The following ME3 variants were observed in gnomAD, a reference collection of about 807,000 sequenced individuals.
ME3 encodes the protein malic enzyme 3.
Under a neutral mutation model 68.9 loss-of-function variants are expected in ME3, and 48 were observed. The ratio of observed to expected loss-of-function variants is 0.70; its 90% confidence interval spans 0.55 to 0.89. The LOEUF (loss-of-function observed/expected upper bound fraction) is 0.89. ME3 is among the 40% of genes least tolerant of loss of function. The probability of loss-of-function intolerance (pLI) is 0.00; values close to 1 mark genes in which losing one functional copy is unlikely to be tolerated. For synonymous variants in ME3, 320 were observed against 318.8 expected (o/e 1.00, Z -0.04); for missense variants, 675 against 797.4 (o/e 0.85, Z 1.85).
chr11:86,441,545 A>T, intron 14 of ME3, 105 bp from the exon 15 acceptor site: 1 of 1,145,276 alleles, frequency 8.7e-7, no homozygotes, highest in Non-Finnish European at 1.2e-6. Context: ...AAGGAACCAG[A>T]CTTGTTTCTT....
At chr11:86,506,355 T>TA (rs1953072163) in intron 5 of ME3, among the ~76,000 whole-genome samples, 1 of 152,236 alleles carries the variant, frequency 6.6e-6, no homozygotes, top group South Asian at 2.1e-4. Context: ...ATTTAGCTCC[T>TA]AAGGTTCTAT....
intron 2 of ME3, among the ~76,000 whole-genome samples, chr11:86,656,707 C>G (rs1945902541): frequency 6.6e-6 from 1 of 152,030 alleles, no homozygotes; most frequent in East Asian, 1.9e-4. Flanking sequence ...ATGTAACAAA[C>G]CTGCACGTTG....
At chr11:86,458,319 C>A (rs1051016854) in intron 8 of ME3, among the ~76,000 whole-genome samples, 1 of 152,272 alleles carries the variant, frequency 6.6e-6, no homozygotes, top group South Asian at 2.1e-4. Context: ...TATTGGACAC[C>A]AAGCAAAGGC....
chr11:86,600,088 A>T (rs954409549), intron 2 of ME3, among the ~76,000 whole-genome samples: 1 of 152,230 alleles, frequency 6.6e-6, no homozygotes, highest in Non-Finnish European at 1.5e-5. Flanking sequence ...ACAGGATCAA[A>T]TTCACACATA....
At chr11:86,497,833 C>G in intron 6 of ME3, 130 bp downstream of exon 6, 18 of 1,093,748 alleles carry the variant, frequency 1.6e-5, no homozygotes, top group Non-Finnish European at 2.3e-5. Context: ...GGGGAATGCC[C>G]TGGTCGGGAG....
chr11:86,467,712 C>CACA (rs1471970486), intron 7 of ME3, among the ~76,000 whole-genome samples: 3,787 of 150,456 alleles, frequency 0.025, 67 homozygotes, highest in African/African-American at 0.033. Context: ...CACACACACA[C>CACA]CCCTTTAAGC....
At chr11:86,487,643 T>C (rs974103172) in intron 6 of ME3, among the ~76,000 whole-genome samples, 2 of 152,152 alleles carry the variant, frequency 1.3e-5, no homozygotes, top group Admixed American at 6.5e-5. Flanking sequence ...GACTCTTAGA[T>C]GGTCCTCATT....
chr11:86,481,932 A>G (rs1951433620), intron 7 of ME3, among the ~76,000 whole-genome samples: 1 of 152,214 alleles, frequency 6.6e-6, no homozygotes, highest in Non-Finnish European at 1.5e-5. Flanking sequence ...TGTTGAACCC[A>G]GAGAGGTTCA....
chr11:86,450,709 AAGAAGC>A (rs1476508510), intron 8 of ME3, among the ~76,000 whole-genome samples: 1 of 152,202 alleles, frequency 6.6e-6, no homozygotes, highest in Non-Finnish European at 1.5e-5. Flanking sequence ...GGAAGACAAA[AAGAAGC>A]ATGAGCCTCA....
At chr11:86,656,920 A>G (rs1356168824) in intron 2 of ME3, among the ~76,000 whole-genome samples, 1 of 152,088 alleles carries the variant, frequency 6.6e-6, no homozygotes, top group East Asian at 1.9e-4. Flanking sequence ...ACAATGAGGT[A>G]TCATCCCATG....
intron 2 of ME3, among the ~76,000 whole-genome samples, chr11:86,591,013 G>C (rs1959024220): frequency 6.6e-6 from 1 of 152,170 alleles, no homozygotes; most frequent in South Asian, 2.1e-4. Flanking sequence ...TTGTGTGTTG[G>C]GCGATGGGGG....
intron 5 of ME3, among the ~76,000 whole-genome samples, chr11:86,499,256 A>T (rs886118503): frequency 3.9e-5 from 6 of 152,090 alleles, no homozygotes; most frequent in Non-Finnish European, 5.9e-5. Flanking sequence ...GAAGGGAAAA[A>T]ATGGGAAGTC....
At chr11:86,446,615 A>C (rs1369191054) in intron 12 of ME3, 128 bp from the exon 13 acceptor site, 3 of 872,914 alleles carry the variant, frequency 3.4e-6, no homozygotes, top group Middle Eastern at 2.3e-4. Flanking sequence ...CTGTGCTGAG[A>C]ACATGGCAGG....
intron 7 of ME3, among the ~76,000 whole-genome samples, chr11:86,484,521 C>T (rs375032039): frequency 3.7e-4 from 57 of 152,258 alleles, no homozygotes; most frequent in African/African-American, 1.3e-3. Context: ...AAGGATCCCG[C>T]CCCCCGCTCC....
At chr11:86,651,812 G>T (rs1373489404) in intron 2 of ME3, among the ~76,000 whole-genome samples, 1 of 152,202 alleles carries the variant, frequency 6.6e-6, no homozygotes, top group Non-Finnish European at 1.5e-5. Flanking sequence ...GAAGGAGGAA[G>T]TTCGAACCCA....
chr11:86,640,275 G>A lies in ME3; in HGVS notation c.183+31487C>T, dbSNP rs530980866. Among the ~76,000 whole-genome samples, 61 of 152,298 alleles carry A rather than the reference G, an allele frequency of 4.0e-4. 1 individual carries two copies. The South Asian group carries it at 1.0e-2, about 25-fold the overall frequency. On this transcript the variant is annotated intron_variant, in intron 2 of 14. Transcript: ENST00000543262. The stretch of plus-strand genomic sequence containing the variant: ...AGCTTGGTGAAGATCCACAGAACAC[G>A]TTAGCTTCTAGCACAAAAGGCAAGC...
chr11:86,552,470 C>A (rs1956742385), intron 4 of ME3, among the ~76,000 whole-genome samples: 1 of 152,204 alleles, frequency 6.6e-6, no homozygotes, highest in Non-Finnish European at 1.5e-5. Flanking sequence ...AAATCCTCCA[C>A]CTGCCTTTGG....
intron 4 of ME3, among the ~76,000 whole-genome samples, chr11:86,519,431 G>T (rs1954108620): frequency 6.6e-6 from 1 of 152,150 alleles, no homozygotes; most frequent in African/African-American, 2.4e-5. Flanking sequence ...AGTGATTCTT[G>T]CAAATTTCCT....
chr11:86,630,493 T>G (rs1177414516), intron 2 of ME3, among the ~76,000 whole-genome samples: 1 of 152,240 alleles, frequency 6.6e-6, no homozygotes, highest in Non-Finnish European at 1.5e-5. Context: ...GCCTTTTCTT[T>G]GCTGCAGAGT....
Sources: gnomAD v4.1 joint callset for allele counts (sites outside exome capture counted in the v4.1 genomes callset) on GRCh38, gnomAD v4.1.1 for gene constraint, MANE v1.5 for transcripts, NCBI Gene and HGNC (gene_info 2026-07-23, HGNC 2026-07-21) for gene names.